UBA6: variants seen among roughly 807,000 people sequenced by gnomAD.
UBA6 encodes ubiquitin-like modifier-activating enzyme 6.
In UBA6, 87 loss-of-function variants were observed where a neutral mutation model predicts 148.3. That is an observed-to-expected ratio of 0.59 (90% confidence interval 0.49 to 0.70). The LOEUF (loss-of-function observed/expected upper bound fraction) is 0.70, where lower values mean the gene tolerates loss of function less well. Ranked by LOEUF, UBA6 falls within the 30% of genes least tolerant of loss-of-function variation. The pLI, the probability that UBA6 is intolerant of heterozygous loss-of-function variation, is 0.00. For synonymous variants in UBA6, 376 were observed against 401.0 expected (o/e 0.94, Z 0.75); for missense variants, 1,186 against 1,241.2 (o/e 0.96, Z 0.67).
chr4:67,635,680 A>G, intron 19 of UBA6, 122 bp from the exon 20 acceptor site: 1 of 632,272 alleles, frequency 1.6e-6, no homozygotes, highest in Non-Finnish European at 2.8e-6. Flanking sequence ...GCAGTATTTT[A>G]GGAAAACAGA....
chr4:67,654,152 G>C (rs1354491605), intron 13 of UBA6, among the ~76,000 whole-genome samples: 1 of 152,098 alleles, frequency 6.6e-6, no homozygotes, highest in African/African-American at 2.4e-5. Flanking sequence ...ACCTAGCAAG[G>C]CAGGCCAACA....
In UBA6 at chr4:67,663,953, AG is replaced by A. The variant is rs1729927443; in HGVS notation, c.898-7del. 1 of 1,611,126 alleles carries A rather than the reference AG, an allele frequency of 6.2e-7. No homozygotes were observed. The highest frequency in any genetic ancestry group is 1.3e-5 in the African/African-American group (1 of 74,922). ...AACTGCCTCTCCAGTGATTCCTGAT[AG>A]GAAGGAAAAAGTCATTACTTCAGAG... On this transcript the variant is annotated splice_polypyrimidine_tract_variant and splice_region_variant and intron_variant, in intron 10 of 32. Coordinates refer to ENST00000322244, the MANE Select transcript of UBA6 (RefSeq NM_018227.6).
chr4:67,637,647 C>G (rs890652954), intron 19 of UBA6, among the ~76,000 whole-genome samples: 2 of 152,060 alleles, frequency 1.3e-5, no homozygotes, highest in Non-Finnish European at 2.9e-5. Flanking sequence ...AGCCCCAACC[C>G]GGTGCTCTCT....
chr4:67,700,897 C>G (rs1411814876), intron 1 of UBA6, 152 bp downstream of exon 1: 1 of 860,428 alleles, frequency 1.2e-6, no homozygotes, highest in Non-Finnish European at 1.8e-6. Flanking sequence ...GTCGCCACAC[C>G]CACTCCGCGC....
rs2109886439 is a variant in UBA6, at chr4:67,613,639, C to T, written c.*5358G>A. On this transcript the variant is annotated 3_prime_UTR_variant, in exon 33 of 33. Coordinates refer to ENST00000322244, the MANE Select transcript of UBA6 (RefSeq NM_018227.6). The stretch of plus-strand genomic sequence containing the variant: ...CTACAATGATGATGATGATGGTATA[C>T]TAGCACAGGGATAGAAAAAAGGGAA... 6.6e-6 allele frequency: 1 copy of T among 152,096 alleles called. No individual in the cohort carries two copies. The highest frequency in any genetic ancestry group is 1.5e-5 in the Non-Finnish European group (1 of 67,986). The allele number at this position is 152,096 out of a possible 1,614,324, so 9.4% of individuals were successfully genotyped here.
intron 20 of UBA6, among the ~76,000 whole-genome samples, chr4:67,635,221 T>A (rs186931630): frequency 6.6e-6 from 1 of 152,154 alleles, no homozygotes; most frequent in African/African-American, 2.4e-5. Context: ...ACTAAGCAGC[T>A]CTGAGAAATA....
intron 13 of UBA6, among the ~76,000 whole-genome samples, chr4:67,652,962 C>T (rs34004194): frequency 0.23 from 34,934 of 152,148 alleles, 4,171 homozygotes; most frequent in Middle Eastern, 0.3. Context: ...AGGCTGCAGC[C>T]TGGCGGGCAT....
intron 13 of UBA6, among the ~76,000 whole-genome samples, chr4:67,652,039 A>T (rs1462362950): frequency 6.6e-6 from 1 of 152,330 alleles, no homozygotes; most frequent in East Asian, 1.9e-4. Context: ...GCAAAAATGA[A>T]CTTATAAAAT....
At position 67,688,029 on chromosome 4, in the gene UBA6, C is replaced by A. The variant is rs903772268; in HGVS notation, c.135-5816G>T. ...AAGCAAATTCAAAAAGACTGGTATT[C>A]CGGAAGCTAGAGGAAAGCGTTTCCT... On this transcript the variant is annotated intron_variant, in intron 2 of 32. Coordinates refer to ENST00000322244, the MANE Select transcript of UBA6 (RefSeq NM_018227.6). 2.0e-5 allele frequency among the ~76,000 whole-genome samples: 3 copies of A among 152,120 alleles called. 1 individual carries two copies. Among genetic ancestry groups the A allele is most frequent in the Admixed American group, 2.0e-4 (3 of 15,274 alleles).
rs532787643 is a variant in UBA6, at chr4:67,615,577, C to T, written c.*3420G>A. 1 of 152,230 alleles carries T rather than the reference C, an allele frequency of 6.6e-6. No individual in the cohort carries two copies. The highest frequency in any genetic ancestry group is 2.1e-4 in the South Asian group (1 of 4,828). The allele number at this position is 152,230 out of a possible 1,614,324, so 9.4% of individuals were successfully genotyped here. On this transcript the variant is annotated 3_prime_UTR_variant, in exon 33 of 33. Coordinates refer to ENST00000322244, the MANE Select transcript of UBA6 (RefSeq NM_018227.6). The stretch of plus-strand genomic sequence containing the variant: ...TATATACTCTTTGTACTAGGAGTTA[C>T]ATAAAATGATGTTCATTGTGAAACT...
In UBA6 at chr4:67,668,532, A is replaced by C. The variant is rs529699949; in HGVS notation, c.793+19T>G. ...TTGCTGAATAAGTATAAATGAATTA[A>C]TAAAACACATTGACTTACCCGTTAT... On this transcript the variant is annotated intron_variant, in intron 9 of 32. Coordinates refer to ENST00000322244, the MANE Select transcript of UBA6 (RefSeq NM_018227.6). 3 of 1,601,284 alleles carry C rather than the reference A, an allele frequency of 1.9e-6. No individual in the cohort carries two copies. The African/African-American group carries it at 4.0e-5, about 21-fold the overall frequency.
chr4:67,661,826 CA>C (rs1729865405), intron 13 of UBA6: 1 of 284,414 alleles, frequency 3.5e-6, no homozygotes, highest in Admixed American at 5.1e-5. Flanking sequence ...ATATATAAAA[CA>C]GGTGACTTAT....
At chr4:67,633,630 C>G (rs1729053556) in intron 22 of UBA6, among the ~76,000 whole-genome samples, 157 bp from the exon 23 acceptor site, 1 of 151,996 alleles carries the variant, frequency 6.6e-6, no homozygotes, top group Non-Finnish European at 1.5e-5. Context: ...CTTCTTTAAC[C>G]TTTCTTTTCT....
At chr4:67,700,954 T>C (rs1330269184) in intron 1 of UBA6, 95 bp downstream of exon 1, 13 of 1,516,544 alleles carry the variant, frequency 8.6e-6, no homozygotes, top group African/African-American at 4.1e-5. Context: ...CCGCGGCCTC[T>C]CGGGCGCCCC....
At chr4:67,692,041 G>A (rs180700131) in intron 2 of UBA6, among the ~76,000 whole-genome samples, 65 of 152,238 alleles carry the variant, frequency 4.3e-4, no homozygotes, top group African/African-American at 1.4e-3. Context: ...ATAGGTTACT[G>A]GGGTACACAG....
At chr4:67,693,374 A>C (rs1290517890) in intron 2 of UBA6, among the ~76,000 whole-genome samples, 1 of 151,876 alleles carries the variant, frequency 6.6e-6, no homozygotes, top group Non-Finnish European at 1.5e-5. Context: ...AATATTAAAA[A>C]TGTGTGTTAA....
At chr4:67,650,849 A>G (rs1462321066) in intron 13 of UBA6, among the ~76,000 whole-genome samples, 1 of 152,160 alleles carries the variant, frequency 6.6e-6, no homozygotes, top group Non-Finnish European at 1.5e-5. Context: ...TGGGAGAGAA[A>G]GATGTAAACA....
chr4:67,673,246 C>G (rs1208219661), intron 7 of UBA6, among the ~76,000 whole-genome samples: 1 of 151,888 alleles, frequency 6.6e-6, no homozygotes, highest in Admixed American at 6.6e-5. Flanking sequence ...AACCCCGTCT[C>G]TACTAAAAAT....
intron 4 of UBA6, among the ~76,000 whole-genome samples, chr4:67,681,127 G>C (rs1177724025): frequency 1.3e-5 from 2 of 152,058 alleles, no homozygotes; most frequent in African/African-American, 2.4e-5. Flanking sequence ...ACAAATTTTG[G>C]GGTAAACTGT....
Sources: gnomAD v4.1 joint callset for allele counts (sites outside exome capture counted in the v4.1 genomes callset) on GRCh38, gnomAD v4.1.1 for gene constraint, MANE v1.5 for transcripts, NCBI Gene and HGNC (gene_info 2026-07-23, HGNC 2026-07-21) for gene names.